ALG12: variants seen among roughly 807,000 people sequenced by gnomAD.
ALG12 encodes the protein ALG12 alpha-1,6-mannosyltransferase.
Under a neutral mutation model 46.0 loss-of-function variants are expected in ALG12, and 36 were observed. The observed-to-expected ratio is 0.78, with a 90% CI of 0.60 to 1.03. The LOEUF is 1.03. Among genes scored for constraint, ALG12 ranks in the 50% least tolerant of loss-of-function variants. ALG12 has a pLI of 0.00. For synonymous variants in ALG12, 326 were observed against 291.6 expected (o/e 1.12, Z -1.20); for missense variants, 599 against 633.5 (o/e 0.95, Z 0.58).
the ALG12 span, among the ~76,000 whole-genome samples, chr22:49,865,093 C>T: frequency 1.3e-5 from 2 of 151,978 alleles, no homozygotes; most frequent in Admixed American, 1.3e-4. Context: ...CGTTACTCAG[C>T]GATGTTGTCG....
the ALG12 span, among the ~76,000 whole-genome samples, chr22:49,875,190 G>T: frequency 6.6e-6 from 1 of 151,934 alleles, no homozygotes; most frequent in East Asian, 1.9e-4. Context: ...AAAGAATTGG[G>T]AGGTGTTTCT....
chr22:49,886,859 C>T, the ALG12 span: 1 of 1,613,954 alleles, frequency 6.2e-7, no homozygotes, highest in Non-Finnish European at 8.5e-7. The surrounding 1 kb of genome is among the most constrained non-coding windows in gnomAD (Gnocchi z 7.7). Context: ...AACCTGTGGT[C>T]ACTTGTGGCC....
the ALG12 span, chr22:49,886,207 C>G: frequency 1.3e-6 from 1 of 796,494 alleles, no homozygotes; most frequent in South Asian, 1.5e-5. This position sits in a 1 kb window ranked among gnomAD's most constrained non-coding sequence, Gnocchi z 7.7. Flanking sequence ...GGTGCAGAAC[C>G]TGCTGAGCCT....
intron 3 of ALG12, 100 bp from the exon 4 acceptor site, chr22:49,910,707 T>G (rs1447232187): frequency 7.2e-7 from 1 of 1,383,624 alleles, no homozygotes; most frequent in Non-Finnish European, 1.0e-6. Context: ...ATATGGAGTT[T>G]TCTATGCTGC....
the ALG12 span, among the ~76,000 whole-genome samples, chr22:49,893,856 A>C: frequency 6.6e-6 from 1 of 152,204 alleles, no homozygotes; most frequent in Non-Finnish European, 1.5e-5. Flanking sequence ...GCAAGGGGTG[A>C]AAGTATGGAT....
chr22:49,884,596 G>A, the ALG12 span: 4 of 1,612,558 alleles, frequency 2.5e-6, no homozygotes, highest in Admixed American at 1.7e-5. Context: ...CTGCATGAAC[G>A]AGTTCAGCCG....
rs530939999 is a variant in ALG12, at chr22:49,902,924, C to T, written c.*914G>A. The T allele has an allele frequency of 4.5e-4, 114 of 254,330 alleles. 2 individuals are homozygous for T. The highest frequency in any genetic ancestry group is 3.0e-3 in the South Asian group (86 of 28,720). The allele number at this position is 254,330 out of a possible 1,614,324, so 15.8% of individuals were successfully genotyped here. On this transcript the variant is annotated 3_prime_UTR_variant, in exon 10 of 10. Transcript: ENST00000330817. ...GTGGTGTGTATGCATGGTGTGTGCACGTGTGCACGGTGTGTGGTGTGTATG... is the reference window on the plus strand; with the variant it reads ...GTGGTGTGTATGCATGGTGTGTGCATGTGTGCACGGTGTGTGGTGTGTATG...
chr22:49,882,510 G>C, the ALG12 span, among the ~76,000 whole-genome samples: 2 of 152,256 alleles, frequency 1.3e-5, no homozygotes, highest in South Asian at 2.1e-4. Context: ...GTTGCTACTT[G>C]GTTTTAGTTC....
At chr22:49,876,507 A>G in the ALG12 span, among the ~76,000 whole-genome samples, 2 of 151,920 alleles carry the variant, frequency 1.3e-5, no homozygotes, top group Admixed American at 1.3e-4. Flanking sequence ...ACCCCCTTAT[A>G]ATTTTGTGAT....
chr22:49,884,222 T>C, the ALG12 span: 2 of 1,603,534 alleles, frequency 1.2e-6, no homozygotes. Context: ...TCTCCCTCAC[T>C]CCTGCTTCCA....
chr22:49,899,492 A>G (rs1449337702), downstream of ALG12, among the ~76,000 whole-genome samples: 2 of 151,648 alleles, frequency 1.3e-5, no homozygotes, highest in Non-Finnish European at 2.9e-5. Context: ...AAAAAAAAAA[A>G]TGATTGAAAC....
Position 49,901,613 on chromosome 22 carries a change from T to G in ALG12, c.*2225A>C. On this transcript the variant is annotated 3_prime_UTR_variant, in exon 10 of 10. Transcript: ENST00000330817. ...TGTGTGCACCTGTGCATTGTGTGTGTGCATGCGTGGTGGGTATGTATGGTG... is the reference window on the plus strand; with the variant it reads ...TGTGTGCACCTGTGCATTGTGTGTGGGCATGCGTGGTGGGTATGTATGGTG... 1 of 146,346 alleles carries G rather than the reference T, an allele frequency of 6.8e-6. No homozygotes were observed. The highest frequency in any genetic ancestry group is 2.2e-4 in the South Asian group (1 of 4,602). The allele number at this position is 146,346 out of a possible 1,614,324, so 9.1% of individuals were successfully genotyped here.
chr22:49,885,394 G>A, the ALG12 span: 13 of 1,598,220 alleles, frequency 8.1e-6, no homozygotes, highest in Middle Eastern at 1.7e-4. Flanking sequence ...CACAAAAGTC[G>A]TGTGCTTGCA....
chr22:49,915,666 T>C (rs1946257367), intron 1 of ALG12, among the ~76,000 whole-genome samples: 3 of 152,222 alleles, frequency 2.0e-5, no homozygotes. Context: ...GAGGGCCCAC[T>C]CAGCTGTCTC....
the ALG12 span, among the ~76,000 whole-genome samples, chr22:49,863,283 C>T: frequency 6.6e-6 from 1 of 152,120 alleles, no homozygotes; most frequent in South Asian, 2.1e-4. Context: ...CCTCAGCCTC[C>T]CTAATAACTG....
At chr22:49,878,236 C>T in the ALG12 span, among the ~76,000 whole-genome samples, 1 of 141,046 alleles carries the variant, frequency 7.1e-6, no homozygotes, top group Non-Finnish European at 1.5e-5. Context: ...ACCCGGGAGG[C>T]GGAGGTTACA....
At chr22:49,895,167 CA>C in the ALG12 span, among the ~76,000 whole-genome samples, 1 of 152,150 alleles carries the variant, frequency 6.6e-6, no homozygotes, top group African/African-American at 2.4e-5. Context: ...TGGCTGTATT[CA>C]GTATTTTATC....
the ALG12 span, among the ~76,000 whole-genome samples, chr22:49,890,791 C>T: frequency 1.1e-4 from 17 of 152,162 alleles, no homozygotes; most frequent in African/African-American, 4.1e-4. Context: ...CTGAGGTGGG[C>T]AGATCACGAG....
chr22:49,909,187 A>G, intron 6 of ALG12, 57 bp downstream of exon 6: 1 of 1,549,972 alleles, frequency 6.5e-7, no homozygotes, highest in Non-Finnish European at 8.9e-7. Flanking sequence ...ATGGAGGCCC[A>G]GGAGATGTGG....
Sources: gnomAD v4.1 joint callset for allele counts (sites outside exome capture counted in the v4.1 genomes callset) on GRCh38, gnomAD v4.1.1 for gene constraint, Gnocchi (gnomAD v3.1) non-coding constraint, MANE v1.5 for transcripts, NCBI Gene and HGNC (gene_info 2026-07-23, HGNC 2026-07-21) for gene names.